GLIS1: variants seen among roughly 807,000 people sequenced by gnomAD.
The protein encoded by GLIS1 is zinc finger protein GLIS1.
GLIS1 carries 24 observed loss-of-function variants against 63.8 expected under a neutral mutation model. The ratio of observed to expected loss-of-function variants is 0.38; its 90% CI spans 0.27 to 0.53. GLIS1 has a LOEUF of 0.53. Among genes scored for constraint, GLIS1 ranks in the 20% least tolerant of loss-of-function variants. GLIS1 has a pLI of 0.85. For synonymous variants in GLIS1, 450 were observed against 482.5 expected (o/e 0.93, Z 0.88); for missense variants, 1,036 against 1,074.1 (o/e 0.96, Z 0.50).
chr1:53,516,745 G>A (rs561819582), intron 7 of GLIS1, among the ~76,000 whole-genome samples: 4 of 151,880 alleles, frequency 2.6e-5, no homozygotes, highest in South Asian at 2.1e-4. Context: ...CCCGAAACGC[G>A]GAGGTTGCAG....
intron 5 of GLIS1, among the ~76,000 whole-genome samples, chr1:53,527,696 C>T (rs1208797687): frequency 6.6e-6 from 1 of 152,234 alleles, no homozygotes; most frequent in African/African-American, 2.4e-5. Flanking sequence ...GGGGCCTGAC[C>T]CGAGGGGCCT....
chr1:53,710,882 C>T (rs565542620), intron 2 of GLIS1, among the ~76,000 whole-genome samples: 1 of 152,206 alleles, frequency 6.6e-6, no homozygotes, highest in Non-Finnish European at 1.5e-5. Context: ...TTTACACAGG[C>T]CCCCTAATCA....
chr1:53,727,229 A>C (rs1646814008), intron 2 of GLIS1, among the ~76,000 whole-genome samples: 1 of 152,232 alleles, frequency 6.6e-6, no homozygotes, highest in Non-Finnish European at 1.5e-5. Context: ...AGGGGGCTTG[A>C]ATGAATAATA....
chr1:53,615,852 A>G (rs995753589), intron 2 of GLIS1, among the ~76,000 whole-genome samples: 3 of 152,018 alleles, frequency 2.0e-5, no homozygotes, highest in Non-Finnish European at 4.4e-5. Flanking sequence ...GATTCAAGCA[A>G]TAACTCATGC....
chr1:53,597,584 G>A (rs1171324389), intron 3 of GLIS1, among the ~76,000 whole-genome samples: 1 of 152,128 alleles, frequency 6.6e-6, no homozygotes, highest in African/African-American at 2.4e-5. Flanking sequence ...GAGCCCAGGC[G>A]CTAGTTGCAA....
chr1:53,515,214 G>A (rs1247284118), intron 7 of GLIS1, among the ~76,000 whole-genome samples: 1 of 152,238 alleles, frequency 6.6e-6, no homozygotes, highest in East Asian at 1.9e-4. Context: ...CCCCGAAGCA[G>A]ACAGAGACCC....
At chr1:53,642,788 C>T (rs143848574) in intron 2 of GLIS1, among the ~76,000 whole-genome samples, 7 of 152,262 alleles carry the variant, frequency 4.6e-5, no homozygotes, top group South Asian at 4.2e-4. Flanking sequence ...TCACCTCCTC[C>T]GGGAAGTCTC....
intron 2 of GLIS1, among the ~76,000 whole-genome samples, chr1:53,736,335 C>T (rs1268938722): frequency 1.3e-5 from 2 of 152,156 alleles, no homozygotes; most frequent in African/African-American, 4.8e-5. Flanking sequence ...AAGGTCTCAC[C>T]ATAGCGTGGA....
intron 8 of GLIS1, among the ~76,000 whole-genome samples, chr1:53,512,009 A>G (rs1644303003): frequency 1.3e-5 from 2 of 152,260 alleles, no homozygotes; most frequent in African/African-American, 4.8e-5. Context: ...TCTCAGTTGC[A>G]AATCCCAGAG....
intron 4 of GLIS1, among the ~76,000 whole-genome samples, chr1:53,545,200 C>T (rs1206483814): frequency 2.0e-5 from 3 of 152,186 alleles, no homozygotes; most frequent in African/African-American, 7.2e-5. Flanking sequence ...TCACCCCTCC[C>T]AGGGCTGTGG....
At chr1:53,609,901 G>T (rs1434686720) in intron 2 of GLIS1, among the ~76,000 whole-genome samples, 1 of 152,146 alleles carries the variant, frequency 6.6e-6, no homozygotes, top group African/African-American at 2.4e-5. Context: ...GTACAGCATG[G>T]TATTGTACTG....
chr1:53,637,165 G>A (rs1645734542), intron 2 of GLIS1, among the ~76,000 whole-genome samples: 1 of 152,112 alleles, frequency 6.6e-6, no homozygotes, highest in Non-Finnish European at 1.5e-5. Context: ...GGTGGGCACT[G>A]ACACCTAGCT....
At chr1:53,718,609 G>C (rs1646722819) in intron 2 of GLIS1, among the ~76,000 whole-genome samples, 1 of 151,988 alleles carries the variant, frequency 6.6e-6, no homozygotes, top group African/African-American at 2.4e-5. Context: ...ACTCCAGAGG[G>C]TGCTACAGAA....
chr1:53,524,629 G>A (rs535096149), intron 6 of GLIS1, 148 bp downstream of exon 6: 22 of 634,812 alleles, frequency 3.5e-5, no homozygotes, highest in Middle Eastern at 3.5e-4. Context: ...GGAAGTGGAC[G>A]GACGGACGAA....
At chr1:53,665,348 G>A (rs1646079751) in intron 2 of GLIS1, among the ~76,000 whole-genome samples, 1 of 152,116 alleles carries the variant, frequency 6.6e-6, no homozygotes, top group Non-Finnish European at 1.5e-5. Context: ...GTTCATTTTG[G>A]ATGTGTTAAG....
chr1:53,651,640 T>C (rs1228235959), intron 2 of GLIS1, among the ~76,000 whole-genome samples: 3 of 151,774 alleles, frequency 2.0e-5, no homozygotes, highest in Admixed American at 2.0e-4. Context: ...CTCTGGGAGG[T>C]GAAGGCAGGA....
chr1:53,689,766 C>A (rs948479515), intron 2 of GLIS1, among the ~76,000 whole-genome samples: 2 of 152,170 alleles, frequency 1.3e-5, no homozygotes, highest in African/African-American at 4.8e-5. Context: ...GATGTGTTAC[C>A]CCCACCAGGC....
intron 2 of GLIS1, among the ~76,000 whole-genome samples, chr1:53,664,916 T>A (rs568008838): frequency 1.3e-5 from 2 of 151,124 alleles, no homozygotes; most frequent in Non-Finnish European, 3.0e-5. Context: ...ACAGATGGTG[T>A]GTGAGGGTGA....
intron 4 of GLIS1, among the ~76,000 whole-genome samples, chr1:53,531,722 C>T (rs542573118): frequency 1.3e-5 from 2 of 152,326 alleles, no homozygotes; most frequent in South Asian, 4.1e-4. Flanking sequence ...GGGGCTGTGG[C>T]CACACAGAGG....
Sources: allele counts gnomAD v4.1 joint callset (sites outside exome capture counted in the v4.1 genomes callset), GRCh38; gene constraint gnomAD v4.1.1; transcripts MANE v1.5; gene names NCBI Gene and HGNC (gene_info 2026-07-23, HGNC 2026-07-21).